GAREM1: variants seen among roughly 807,000 people sequenced by gnomAD.
GAREM1 encodes GRB2-associated and regulator of MAPK protein 1.
In GAREM1, 26 loss-of-function variants were observed where a neutral mutation model predicts 71.3. The observed-to-expected ratio is 0.36, with a 90% CI of 0.27 to 0.51. GAREM1 has a LOEUF of 0.51. GAREM1 is among the 20% of genes least tolerant of loss of function. GAREM1 has a pLI of 0.95. For missense variants in GAREM1, 1,026 were observed against 1,103.1 expected, an observed-to-expected ratio of 0.93 and a Z score of 0.99; for synonymous variants, 440 against 433.2, an observed-to-expected ratio of 1.02 and a Z score of -0.20.
At chr18:32,394,259 G>A (rs1199578250) in intron 1 of GAREM1, among the ~76,000 whole-genome samples, 4 of 151,970 alleles carry the variant, frequency 2.6e-5, no homozygotes, top group Non-Finnish European at 4.4e-5. Context: ...AAAATTTGTC[G>A]GGTGTGGTGG....
chr18:32,291,609 A>G (rs2047088225), intron 3 of GAREM1, among the ~76,000 whole-genome samples: 1 of 152,122 alleles, frequency 6.6e-6, no homozygotes, highest in Admixed American at 6.6e-5. Flanking sequence ...CATCATTTAC[A>G]TTAGGTATTT....
At chr18:32,383,252 A>G (rs1038390623) in intron 2 of GAREM1, among the ~76,000 whole-genome samples, 2 of 152,194 alleles carry the variant, frequency 1.3e-5, no homozygotes, top group African/African-American at 4.8e-5. Flanking sequence ...GATATCAGAA[A>G]AGTTCACATG....
chr18:32,442,711 C>A (rs1389941886), intron 1 of GAREM1, among the ~76,000 whole-genome samples: 1 of 152,118 alleles, frequency 6.6e-6, no homozygotes, highest in Non-Finnish European at 1.5e-5. Flanking sequence ...AGCTTTTGCC[C>A]TCTACTCAGT....
intron 1 of GAREM1, among the ~76,000 whole-genome samples, chr18:32,464,900 T>A (rs997446811): frequency 6.6e-6 from 1 of 152,252 alleles, no homozygotes; most frequent in Non-Finnish European, 1.5e-5. Flanking sequence ...TCCCAACACC[T>A]GTAACAGGGC....
chr18:32,364,020 A>ATATATATATATG (rs2047900573), intron 2 of GAREM1, among the ~76,000 whole-genome samples: 1 of 49,544 alleles, frequency 2.0e-5, no homozygotes, highest in South Asian at 7.3e-4. Flanking sequence ...ATATATATAT[A>ATATATATATATG]TATATATGTT....
At position 32,288,054 on chromosome 18, in the gene GAREM1, A is replaced by C; in HGVS notation, c.543T>G (p.Ile181Met). 6.2e-7 allele frequency: 1 copy of C among 1,614,072 alleles called. No homozygotes were observed. Reference sequence around the variant, plus strand: ...GCTTGCTGATGGAATTGAGCTTCCCAATCTTTTTGAAGATTGTGTTGAGTC... The same window carrying C: ...GCTTGCTGATGGAATTGAGCTTCCCCATCTTTTTGAAGATTGTGTTGAGTC... ...KSRLNTIFKK[I>M]GKLNSISKLG... Residue 181 changes from isoleucine (I) to methionine (M), a missense_variant, in exon 4 of 6, where the codon ATT becomes ATG. Around this residue, in one of 3 missense-constraint regions of GAREM1, gnomAD observed 218 missense variants for 296.8 expected, o/e 0.73. Coordinates refer to ENST00000269209, the MANE Select transcript of GAREM1 (RefSeq NM_001242409.2).
chr18:32,389,097 GT>G (rs555444219), intron 2 of GAREM1, among the ~76,000 whole-genome samples: 246 of 152,184 alleles, frequency 1.6e-3, no homozygotes, highest in Admixed American at 3.5e-3. Context: ...AAAAACAAAT[GT>G]GGCAAAATGA....
At chr18:32,330,173 G>A (rs185119475) in intron 2 of GAREM1, among the ~76,000 whole-genome samples, 1 of 152,160 alleles carries the variant, frequency 6.6e-6, no homozygotes, top group Admixed American at 6.5e-5. Flanking sequence ...ATACTACACA[G>A]CCATAAACGA....
chr18:32,346,145 T>A (rs960070859), intron 2 of GAREM1, among the ~76,000 whole-genome samples: 2 of 152,206 alleles, frequency 1.3e-5, no homozygotes, highest in African/African-American at 4.8e-5. Context: ...CTTTATTTTT[T>A]ATAAAATAAT....
intron 1 of GAREM1, chr18:32,412,269 C>G: frequency 1.3e-6 from 2 of 1,579,452 alleles, no homozygotes; most frequent in Middle Eastern, 1.9e-4. Flanking sequence ...GCCATAGCCA[C>G]CTTGGTTTCG....
chr18:32,420,985 C>T (rs573516210), intron 1 of GAREM1, among the ~76,000 whole-genome samples: 9 of 152,170 alleles, frequency 5.9e-5, no homozygotes, highest in Middle Eastern at 6.8e-3. Context: ...TAAATATACC[C>T]AGGGAGATTC....
At chr18:32,388,260 A>T (rs777411484) in intron 2 of GAREM1, among the ~76,000 whole-genome samples, 10 of 152,184 alleles carry the variant, frequency 6.6e-5, no homozygotes, top group Admixed American at 2.0e-4. Context: ...AAATAAATAA[A>T]CAGAAGAGAA....
chr18:32,327,096 T>G (rs2144549511), intron 2 of GAREM1, among the ~76,000 whole-genome samples: 1 of 152,350 alleles, frequency 6.6e-6, no homozygotes, highest in South Asian at 2.1e-4. Context: ...AAAAGAACTG[T>G]AATAACTGAG....
chr18:32,333,331 G>A (rs540160169), intron 2 of GAREM1, among the ~76,000 whole-genome samples: 1 of 152,274 alleles, frequency 6.6e-6, no homozygotes, highest in South Asian at 2.1e-4. Flanking sequence ...CAGACAGAAA[G>A]CTGGGAGAAT....
intron 1 of GAREM1, chr18:32,412,690 C>A (rs1416941236): frequency 3.3e-6 from 5 of 1,501,356 alleles, no homozygotes; most frequent in Middle Eastern, 2.3e-4. Flanking sequence ...TTCTGAATGA[C>A]AATCTTATCC....
At chr18:32,421,671 T>C (rs1445407149) in intron 1 of GAREM1, among the ~76,000 whole-genome samples, 1 of 152,022 alleles carries the variant, frequency 6.6e-6, no homozygotes, top group Non-Finnish European at 1.5e-5. Context: ...GGCCTCCATG[T>C]TTTTTTTCTC....
chr18:32,377,882 G>C (rs1225136314), intron 2 of GAREM1, among the ~76,000 whole-genome samples: 1 of 152,058 alleles, frequency 6.6e-6, no homozygotes, highest in Non-Finnish European at 1.5e-5. Flanking sequence ...TTTCTTAATG[G>C]TTCCTGCAAG....
At chr18:32,338,497 G>A (rs1230806548) in intron 2 of GAREM1, among the ~76,000 whole-genome samples, 2 of 152,170 alleles carry the variant, frequency 1.3e-5, no homozygotes, top group African/African-American at 2.4e-5. Context: ...TTTTCTGTGT[G>A]TTGAGTGTAT....
rs1214489644 is a variant in GAREM1 at position 32,399,710 on chromosome 18, A to G, written c.122-6675T>C. Among the ~76,000 whole-genome samples, 9 of 152,170 alleles carry G rather than the reference A, an allele frequency of 5.9e-5. No individual in the cohort carries two copies. In the South Asian group the frequency reaches 6.2e-4, roughly 11 times the overall value. On this transcript the variant is annotated intron_variant, in intron 1 of 5. Coordinates refer to ENST00000269209, the MANE Select transcript of GAREM1 (RefSeq NM_001242409.2). ...ATGGAAGAACATTCCATGCTCATGGATAGGAAGAATCAATATCGTGAAAAT... is the reference window on the plus strand; with the variant it reads ...ATGGAAGAACATTCCATGCTCATGGGTAGGAAGAATCAATATCGTGAAAAT...
Sources: gnomAD v4.1 joint callset for allele counts (sites outside exome capture counted in the v4.1 genomes callset) on GRCh38, gnomAD v4.1.1 for gene constraint, gnomAD v4.1.1 regional missense constraint, MANE v1.5 for transcripts, NCBI Gene and HGNC (gene_info 2026-07-23, HGNC 2026-07-21) for gene names.